The following RALGAPA1 variants were observed in gnomAD, a reference collection of about 807,000 sequenced individuals.
RALGAPA1 encodes the protein Ral GTPase activating protein catalytic subunit alpha 1.
A neutral mutation model predicts 269.6 loss-of-function variants in RALGAPA1; 52 were observed. That is an observed-to-expected ratio of 0.19 (90% confidence interval 0.15 to 0.24). The LOEUF is 0.24. Ranked by LOEUF, RALGAPA1 falls within the 10% of genes least tolerant of loss-of-function variation. The pLI is 1.00. For synonymous variants in RALGAPA1, 817 were observed against 1,008.3 expected (o/e 0.81, Z 3.60); for missense variants, 1,917 against 3,013.9 (o/e 0.64, Z 8.52).
chr14:35,586,439 A>C (rs1594708569), intron 37 of RALGAPA1, among the ~76,000 whole-genome samples: 1 of 152,146 alleles, frequency 6.6e-6, no homozygotes, highest in Admixed American at 6.5e-5. Context: ...AACACCCTTT[A>C]TTTCTTTCTC....
intron 36 of RALGAPA1, among the ~76,000 whole-genome samples, chr14:35,602,979 C>T (rs1190521613): frequency 6.6e-6 from 1 of 152,058 alleles, no homozygotes; most frequent in Admixed American, 6.6e-5. Context: ...GTCTCAGCAC[C>T]ATTTGTTGAA....
rs2058126384 is a variant in RALGAPA1, at chr14:35,584,198, G to GACAGCA, written c.7209+11435_7209+11436insTGCTGT. On this transcript the variant is annotated intron_variant, in intron 37 of 41. Transcript: ENST00000680220. ...AACAAGCGAAATGAATGACAGCAAT[G>GACAGCA]ATACAAGGGATGGAAAGGAGGGATT... Among the ~76,000 whole-genome samples the GACAGCA allele has an allele frequency of 3.3e-5, 5 of 152,076 alleles. No individual in the cohort carries two copies. In the South Asian group the frequency reaches 1.0e-3, roughly 32 times the overall value.
At chr14:35,657,251 C>T (rs945152281) in intron 28 of RALGAPA1, among the ~76,000 whole-genome samples, 3 of 151,048 alleles carry the variant, frequency 2.0e-5, no homozygotes, top group East Asian at 1.9e-4. Context: ...TGCAGTGGCG[C>T]GATCTCGGCT....
At chr14:35,760,783 A>C in intron 6 of RALGAPA1, 46 bp downstream of exon 6, 1 of 1,438,116 alleles carries the variant, frequency 7.0e-7, no homozygotes, top group Non-Finnish European at 9.7e-7. Context: ...AAGAGACTAC[A>C]TAGAGAGCTT....
rs536478566 is a variant in RALGAPA1, at chr14:35,547,133, A to G, written c.*23+1375T>C. On this transcript the variant is annotated intron_variant, in intron 41 of 41. Transcript: ENST00000680220. ...TTCTTAAATGCAGTGACAACTCTTA[A>G]AAATTAACTGAAAAAATCTGTAGCA... Among the ~76,000 whole-genome samples, 9 of 152,266 alleles carry G rather than the reference A, an allele frequency of 5.9e-5. No individual in the cohort carries two copies. In the South Asian group the frequency reaches 1.7e-3, roughly 28 times the overall value.
At chr14:35,701,799 T>C (rs1314719089) in intron 16 of RALGAPA1, among the ~76,000 whole-genome samples, 1 of 152,038 alleles carries the variant, frequency 6.6e-6, no homozygotes, top group Non-Finnish European at 1.5e-5. Flanking sequence ...TATGTCACCA[T>C]GCTTGGCTAA....
At chr14:35,541,754 T>C (rs185717128) in intron 41 of RALGAPA1, 162 of 457,078 alleles carry the variant, frequency 3.5e-4, no homozygotes, top group Non-Finnish European at 6.4e-4. Context: ...AGATGGCCAA[T>C]GTTTTCTAGC....
chr14:35,612,394 A>AAAAAAAAAC (rs2059993734), intron 35 of RALGAPA1, among the ~76,000 whole-genome samples: 1 of 151,022 alleles, frequency 6.6e-6, no homozygotes, highest in Non-Finnish European at 1.5e-5. Context: ...AAAAAAAAGA[A>AAAAAAAAAC]GTCAGACTCT....
chr14:35,596,540 G>A (rs1012985678), intron 36 of RALGAPA1, among the ~76,000 whole-genome samples: 1 of 151,808 alleles, frequency 6.6e-6, no homozygotes, highest in African/African-American at 2.4e-5. Context: ...GAGAATAACA[G>A]GTAAAATGGA....
At chr14:35,793,551 A>G (rs1231113117) in intron 1 of RALGAPA1, among the ~76,000 whole-genome samples, 1 of 152,066 alleles carries the variant, frequency 6.6e-6, no homozygotes, top group Non-Finnish European at 1.5e-5. Context: ...GTCTATTTCT[A>G]TAATGTGTAC....
chr14:35,791,562 G>A (rs929366563), intron 1 of RALGAPA1, among the ~76,000 whole-genome samples: 1 of 149,888 alleles, frequency 6.7e-6, no homozygotes, highest in Non-Finnish European at 1.5e-5. Context: ...AACTGAGATC[G>A]CGCTATTGCA....
In RALGAPA1 at chr14:35,579,014, A is replaced by C. The variant is rs756680771; in HGVS notation, c.7210-6296T>G. On this transcript the variant is annotated intron_variant, in intron 37 of 41. Coordinates refer to ENST00000680220, the MANE Select transcript of RALGAPA1 (RefSeq NM_001346249.2). The stretch of plus-strand genomic sequence containing the variant: ...TCTATAAAGAAAATAATATAGGGTA[A>C]TGTGATAAAGTTCCTGAGTAGAAAG... Among the ~76,000 whole-genome samples the C allele has an allele frequency of 3.8e-4, 58 of 152,332 alleles. 1 individual carries two copies. The Middle Eastern group carries it at 0.01, about 27-fold the overall frequency.
chr14:35,768,413 A>G (rs1186954261), intron 4 of RALGAPA1, among the ~76,000 whole-genome samples: 1 of 152,140 alleles, frequency 6.6e-6, no homozygotes, highest in Non-Finnish European at 1.5e-5. Context: ...AAAGAGGTTG[A>G]GTATGATGGC....
intron 29 of RALGAPA1, among the ~76,000 whole-genome samples, chr14:35,655,388 T>C (rs1380468616): frequency 6.6e-6 from 1 of 151,882 alleles, no homozygotes; most frequent in Non-Finnish European, 1.5e-5. Flanking sequence ...CTTGTCTGTC[T>C]ACAAAGAAGG....
intron 1 of RALGAPA1, among the ~76,000 whole-genome samples, chr14:35,801,348 A>C (rs1358279481): frequency 6.6e-6 from 1 of 151,714 alleles, no homozygotes; most frequent in East Asian, 1.9e-4. Flanking sequence ...GGCTCACTGC[A>C]ACCTCTGCCT....
intron 15 of RALGAPA1, among the ~76,000 whole-genome samples, chr14:35,722,363 G>T (rs541191983): frequency 6.6e-6 from 1 of 152,330 alleles, no homozygotes; most frequent in South Asian, 2.1e-4. Flanking sequence ...TGTAATCCCA[G>T]CACTTTGGGA....
At chr14:35,736,928 C>T (rs1475048409) in intron 12 of RALGAPA1, among the ~76,000 whole-genome samples, 1 of 151,122 alleles carries the variant, frequency 6.6e-6, no homozygotes, top group Admixed American at 6.6e-5. Flanking sequence ...CCCAACTACT[C>T]AGGAGGCTGA....
chr14:35,566,424 G>A (rs1594611664), intron 39 of RALGAPA1, among the ~76,000 whole-genome samples: 1 of 151,878 alleles, frequency 6.6e-6, no homozygotes, highest in East Asian at 1.9e-4. Flanking sequence ...TTATGCTTTG[G>A]AATCTTAGTG....
chr14:35,664,831 G>T, intron 26 of RALGAPA1, 64 bp from the exon 27 acceptor site: 2 of 1,513,698 alleles, frequency 1.3e-6, no homozygotes, highest in Non-Finnish European at 1.8e-6. Context: ...CAGAAAAGTT[G>T]CTTTGTTATC....
Sources: allele counts gnomAD v4.1 joint callset (sites outside exome capture counted in the v4.1 genomes callset), GRCh38; gene constraint gnomAD v4.1.1; transcripts MANE v1.5; gene names NCBI Gene and HGNC (gene_info 2026-07-23, HGNC 2026-07-21).